Variants in CLVS1 observed in about 807,000 individuals in gnomAD.
The protein encoded by CLVS1 is clavesin-1.
CLVS1 carries 10 observed loss-of-function variants against 33.1 expected under a neutral mutation model. The observed-to-expected ratio is 0.30, with a 90% CI of 0.19 to 0.51. The LOEUF (loss-of-function observed/expected upper bound fraction) is 0.51. Among genes scored for constraint, CLVS1 ranks in the 20% least tolerant of loss-of-function variants. The pLI, the probability that CLVS1 is intolerant of heterozygous loss-of-function variation, is 0.97. For synonymous variants in CLVS1, 163 were observed against 166.1 expected (o/e 0.98, Z 0.14); for missense variants, 343 against 433.4 (o/e 0.79, Z 1.85).
At chr8:61,271,380 T>C (rs1398488302) in intron 2 of CLVS1, among the ~76,000 whole-genome samples, 1 of 150,062 alleles carries the variant, frequency 6.7e-6, no homozygotes, top group Non-Finnish European at 1.5e-5. Context: ...GTCTGAGAGA[T>C]AGTTTGTTAT....
intron 2 of CLVS1, among the ~76,000 whole-genome samples, chr8:61,319,544 T>A (rs568275112): frequency 2.6e-4 from 40 of 152,144 alleles, no homozygotes; most frequent in Non-Finnish European, 4.6e-4. Flanking sequence ...GACTTCCATC[T>A]CATCACTATG....
upstream of CLVS1, among the ~76,000 whole-genome samples, chr8:61,284,925 G>T (rs1013126961): frequency 6.6e-6 from 1 of 152,132 alleles, no homozygotes; most frequent in Non-Finnish European, 1.5e-5. Context: ...CATTATGAAA[G>T]ATATAGAAGT....
At chr8:61,403,229 G>T (rs1814838271) in intron 3 of CLVS1, among the ~76,000 whole-genome samples, 1 of 152,184 alleles carries the variant, frequency 6.6e-6, no homozygotes, top group African/African-American at 2.4e-5. Flanking sequence ...TCACAGAATA[G>T]CAAGGAAGCT....
chr8:61,298,206 G>T (rs1263222530), intron 1 of CLVS1, among the ~76,000 whole-genome samples: 1 of 152,092 alleles, frequency 6.6e-6, no homozygotes, highest in Non-Finnish European at 1.5e-5. Flanking sequence ...TTAACATCAG[G>T]TGGGCATTGA....
At chr8:61,110,969 T>C (rs1308328693) in intron 1 of CLVS1, among the ~76,000 whole-genome samples, 1 of 152,230 alleles carries the variant, frequency 6.6e-6, no homozygotes, top group Non-Finnish European at 1.5e-5. Flanking sequence ...TTCTACTTCT[T>C]GGCTATTGTG....
At chr8:61,014,380 G>A in the CLVS1 span, among the ~76,000 whole-genome samples, 1 of 152,136 alleles carries the variant, frequency 6.6e-6, no homozygotes, top group Non-Finnish European at 1.5e-5. Flanking sequence ...GTTGATGGGT[G>A]GTGACTCATA....
At chr8:61,067,041 T>A (rs1804696395) in intron 1 of CLVS1, among the ~76,000 whole-genome samples, 1 of 151,696 alleles carries the variant, frequency 6.6e-6, no homozygotes, top group Non-Finnish European at 1.5e-5. Flanking sequence ...GGGAGGGCAA[T>A]GATGTTCAAC....
chr8:61,047,249 A>G, the CLVS1 span, among the ~76,000 whole-genome samples: 6 of 152,230 alleles, frequency 3.9e-5, no homozygotes, highest in African/African-American at 1.4e-4. Context: ...AATCAAAACC[A>G]CAATGAGATA....
chr8:61,210,886 TC>T (rs1465882597), intron 2 of CLVS1, among the ~76,000 whole-genome samples: 2 of 151,546 alleles, frequency 1.3e-5, no homozygotes, highest in African/African-American at 4.9e-5. Flanking sequence ...AGTAGGAGAA[TC>T]AGTGTGTCAA....
chr8:61,308,094 C>T (rs1343681954), intron 2 of CLVS1, among the ~76,000 whole-genome samples: 2 of 152,206 alleles, frequency 1.3e-5, no homozygotes, highest in Admixed American at 6.5e-5. Context: ...GGCTGCTGGT[C>T]AGTTATAGTA....
chr8:61,453,026 C>T (rs765554750), intron 3 of CLVS1, among the ~76,000 whole-genome samples: 1 of 151,996 alleles, frequency 6.6e-6, no homozygotes, highest in Non-Finnish European at 1.5e-5. Context: ...GGGAGCAGCT[C>T]GCTGCTGAAC....
chr8:61,201,424 A>C (rs1356579473), intron 2 of CLVS1, among the ~76,000 whole-genome samples: 1 of 152,202 alleles, frequency 6.6e-6, no homozygotes, highest in Non-Finnish European at 1.5e-5. Flanking sequence ...TCTGTCTACA[A>C]ATCCAGTGTC....
chr8:61,176,620 C>G (rs1057366878), intron 2 of CLVS1, among the ~76,000 whole-genome samples: 3 of 152,078 alleles, frequency 2.0e-5, no homozygotes, highest in African/African-American at 7.2e-5. Context: ...GAATCCTGCA[C>G]TGGCAACCAA....
At chr8:61,384,093 G>A (rs527875303) in intron 3 of CLVS1, among the ~76,000 whole-genome samples, 1 of 152,356 alleles carries the variant, frequency 6.6e-6, no homozygotes, top group South Asian at 2.1e-4. Context: ...GGTAAGCGTG[G>A]AATAGTAAGT....
chr8:61,463,797 T>C (rs1359537779), intron 5 of CLVS1, among the ~76,000 whole-genome samples: 7 of 152,142 alleles, frequency 4.6e-5, no homozygotes, highest in Non-Finnish European at 1.0e-4. Flanking sequence ...CCGGGTGCAG[T>C]GGCTCAAGCC....
At chr8:61,161,765 G>A (rs1479785447) in intron 2 of CLVS1, among the ~76,000 whole-genome samples, 1 of 152,166 alleles carries the variant, frequency 6.6e-6, no homozygotes, top group Non-Finnish European at 1.5e-5. Context: ...TTTATACTTG[G>A]CAATCACTAC....
intron 2 of CLVS1, among the ~76,000 whole-genome samples, chr8:61,165,286 G>A (rs373091480): frequency 2.0e-5 from 3 of 152,172 alleles, no homozygotes; most frequent in East Asian, 3.8e-4. Flanking sequence ...AGCTCAGCTC[G>A]AGCCCTAACA....
chr8:61,473,982 A>G (rs936693828), intron 5 of CLVS1, among the ~76,000 whole-genome samples: 1 of 152,118 alleles, frequency 6.6e-6, no homozygotes, highest in African/African-American at 2.4e-5. Context: ...AGCTCAGGAG[A>G]AAATTCTGGA....
At chr8:61,443,833 G>A (rs1214886572) in intron 3 of CLVS1, among the ~76,000 whole-genome samples, 1 of 151,820 alleles carries the variant, frequency 6.6e-6, no homozygotes, top group African/African-American at 2.4e-5. Flanking sequence ...CAATTTGAGG[G>A]GAATTAACAT....
Sources: gnomAD v4.1 joint callset for allele counts (sites outside exome capture counted in the v4.1 genomes callset) on GRCh38, gnomAD v4.1.1 for gene constraint, MANE v1.5 for transcripts, NCBI Gene and HGNC (gene_info 2026-07-23, HGNC 2026-07-21) for gene names.